SCRT2: variants seen among roughly 807,000 people sequenced by gnomAD.
The protein encoded by SCRT2 is transcriptional repressor scratch 2.
A neutral mutation model predicts 3.7 loss-of-function variants in SCRT2; 2 were observed. The ratio of observed to expected loss-of-function variants is 0.54; its 90% CI spans 0.22 to 1.70. SCRT2 has a LOEUF of 1.70. Among genes scored for constraint, SCRT2 ranks in the 40% most tolerant of loss-of-function variants. The pLI, the probability that SCRT2 is intolerant of heterozygous loss-of-function variation, is 0.19. For synonymous variants in SCRT2, 256 were observed against 220.6 expected, an observed-to-expected ratio of 1.16 and a Z score of -1.42; for missense variants, 456 against 468.5, an observed-to-expected ratio of 0.97 and a Z score of 0.25.
intron 1 of SCRT2, among the ~76,000 whole-genome samples, chr20:672,720 G>GCCCTCCCT (rs1250961774): frequency 6.1e-5 from 2 of 32,594 alleles, no homozygotes; most frequent in Non-Finnish European, 1.3e-4. Flanking sequence ...GGCCTCCCCC[G>GCCCTCCCT]CCCTCCCTCC....
At position 663,998 on chromosome 20, in the gene SCRT2, G is replaced by T; in HGVS notation, c.597C>A (p.Pro199=). ...GCGTGAGCAGGTGCATGGCGAGCGCGGGCATGGACACGTAGGCCTTGCCGC... is the reference window on the plus strand; with the variant it reads ...GCGTGAGCAGGTGCATGGCGAGCGCTGGCATGGACACGTAGGCCTTGCCGC... ...PTCGKAYVSM[P]ALAMHLLTHN... is the part of the protein sequence containing the mutation. Residue 199 remains proline, a synonymous_variant, in exon 2 of 2, where the codon CCC becomes CCA. Coordinates refer to ENST00000246104, the MANE Select transcript of SCRT2 (RefSeq NM_033129.4). The surrounding 1 kb of genome is among the most constrained non-coding windows in gnomAD (Gnocchi z 6.9). 1 of 1,611,610 alleles carries T rather than the reference G, an allele frequency of 6.2e-7. No individual in the cohort carries two copies. Among genetic ancestry groups the T allele is most frequent in the Non-Finnish European group, 8.5e-7 (1 of 1,179,624 alleles).
rs988186780 is a variant in SCRT2 at position 675,643 on chromosome 20, C to G, written c.-42G>C. The G allele has an allele frequency of 8.1e-7, 1 of 1,238,466 alleles. No homozygotes were observed. Among genetic ancestry groups the G allele is most frequent in the East Asian group, 3.2e-5 (1 of 31,000 alleles). 76.7% of individuals were successfully genotyped at this position (1,238,466 alleles called of 1,614,324 possible). On this transcript the variant is annotated 5_prime_UTR_variant, in exon 1 of 2. Coordinates refer to ENST00000246104, the MANE Select transcript of SCRT2 (RefSeq NM_033129.4). The surrounding 1 kb of genome is among the most constrained non-coding windows in gnomAD (Gnocchi z 6.9). The stretch of plus-strand genomic sequence containing the variant: ...GGCTCGGTGCGGGGAGGCGGCCGGC[C>G]GGGCGCGATCGGCTGTGTCCGCGCG...
rs2122364423 is a variant in SCRT2, at chr20:675,060, C to G, written c.133+409G>C. ...CTCTCCAGGGACTGAACATCCAGGG[C>G]TCTTTACCTTCCCCCTTCCCGGGCA... On this transcript the variant is annotated intron_variant, in intron 1 of 1. Coordinates refer to ENST00000246104, the MANE Select transcript of SCRT2 (RefSeq NM_033129.4). This position sits in a 1 kb window ranked among gnomAD's most constrained non-coding sequence, Gnocchi z 6.9. Among the ~76,000 whole-genome samples the G allele has an allele frequency of 6.6e-6, 1 of 152,274 alleles. No homozygotes were observed. Among genetic ancestry groups the G allele is most frequent in the South Asian group, 2.1e-4 (1 of 4,824 alleles).
At position 664,240 on chromosome 20, in the gene SCRT2, G is replaced by A; in HGVS notation, c.355C>T (p.Arg119Trp). Residue 119 changes from arginine (R) to tryptophan (W), a missense_variant, in exon 2 of 2, where the codon CGG (arginine) becomes TGG (tryptophan). By Grantham distance (101) the Arg-to-Trp change is moderately radical. Coordinates refer to ENST00000246104, the MANE Select transcript of SCRT2 (RefSeq NM_033129.4). The surrounding 1 kb of genome is among the most constrained non-coding windows in gnomAD (Gnocchi z 7.9). ...CCGCCGCCCCCGCCCCGCCGCCGCCGCGAGCGCCCGTCCGAGATGAAGAAG... is the reference window on the plus strand; with the variant it reads ...CCGCCGCCCCCGCCCCGCCGCCGCCACGAGCGCCCGTCCGAGATGAAGAAG... The part of the protein sequence containing the change: ...DAFFISDGRS[R>W]RRRGGGGGDA... 2 of 1,290,960 alleles carry A rather than the reference G, an allele frequency of 1.5e-6. No homozygotes were observed. Among genetic ancestry groups the A allele is most frequent in the Non-Finnish European group, 2.0e-6 (2 of 993,590 alleles). 80.0% of individuals were successfully genotyped at this position (1,290,960 alleles called of 1,614,324 possible).
At position 675,415 on chromosome 20, in the gene SCRT2, C is replaced by T; in HGVS notation, c.133+54G>A. ...CTCGTGGCCCAAGCTGGGGAGGGCC[C>T]CAGCTCCCCTCGCCTCTTCTCCCAA... On this transcript the variant is annotated intron_variant, in intron 1 of 1. Transcript: ENST00000246104. This position sits in a 1 kb window ranked among gnomAD's most constrained non-coding sequence, Gnocchi z 6.9. The T allele has an allele frequency of 7.9e-7, 1 of 1,260,614 alleles. No individual in the cohort carries two copies. Among genetic ancestry groups the T allele is most frequent in the Non-Finnish European group, 1.0e-6 (1 of 989,194 alleles). The allele number at this position is 1,260,614 out of a possible 1,614,324, so 78.1% of individuals were successfully genotyped here.
chr20:675,353 A>G lies in SCRT2; in HGVS notation c.133+116T>C. ...CCGGGAGGAGCCCACGGCCAGAGAG[A>G]TCTCCTCCCGGGGGTTTCCTGTCGC... On this transcript the variant is annotated intron_variant, in intron 1 of 1. Transcript: ENST00000246104. This position sits in a 1 kb window ranked among gnomAD's most constrained non-coding sequence, Gnocchi z 6.9. 1.1e-6 allele frequency: 1 copy of G among 880,710 alleles called. No homozygotes were observed. Among genetic ancestry groups the G allele is most frequent in the Non-Finnish European group, 1.5e-6 (1 of 662,756 alleles). The allele number at this position is 880,710 out of a possible 1,614,324, so 54.6% of individuals were successfully genotyped here.
chr20:671,264 G>A (rs1196688203), intron 1 of SCRT2, among the ~76,000 whole-genome samples: 1 of 152,314 alleles, frequency 6.6e-6, no homozygotes, highest in Non-Finnish European at 1.5e-5. Context: ...CTTGGACCTG[G>A]TCCTATACCT....
intron 1 of SCRT2, among the ~76,000 whole-genome samples, chr20:672,114 C>T (rs955395596): frequency 7.9e-5 from 12 of 152,078 alleles, no homozygotes; most frequent in Non-Finnish European, 1.5e-4. Context: ...AGTCTGTGCT[C>T]AGAATCACCC....
chr20:673,986 C>A lies in SCRT2; in HGVS notation c.133+1483G>T, dbSNP rs773131325. Among the ~76,000 whole-genome samples the A allele has an allele frequency of 1.5e-4, 23 of 152,194 alleles. 1 individual carries two copies. The highest frequency in any genetic ancestry group is 2.8e-4 in the Non-Finnish European group (19 of 68,034). ...CCTGCCAGCCCTCAGCCCTGCTCAG[C>A]CATGTCCCTGGGCTTCTGACCTCCA... On this transcript the variant is annotated intron_variant, in intron 1 of 1. Transcript: ENST00000246104.
chr20:663,491 T>G lies in SCRT2; in HGVS notation c.*180A>C. The G allele has an allele frequency of 2.1e-6, 1 of 472,170 alleles. No homozygotes were observed. Among genetic ancestry groups the G allele is most frequent in the Non-Finnish European group, 3.4e-6 (1 of 297,448 alleles). The allele number at this position is 472,170 out of a possible 1,614,324, so 29.2% of individuals were successfully genotyped here. On this transcript the variant is annotated 3_prime_UTR_variant, in exon 2 of 2. Coordinates refer to ENST00000246104, the MANE Select transcript of SCRT2 (RefSeq NM_033129.4). This position sits in a 1 kb window ranked among gnomAD's most constrained non-coding sequence, Gnocchi z 6.9. Reference sequence around the variant, plus strand: ...TCGGGGGACGCTGGGGAAGACGGTGTGGAAGTGAGTCGTGGGTTTGGGGGT... The same window carrying G: ...TCGGGGGACGCTGGGGAAGACGGTGGGGAAGTGAGTCGTGGGTTTGGGGGT...
rs1197509473 is a variant in SCRT2 at position 666,331 on chromosome 20, A to T, written c.134-1870T>A. 6.6e-6 allele frequency among the ~76,000 whole-genome samples: 1 copy of T among 152,102 alleles called. No individual in the cohort carries two copies. The highest frequency in any genetic ancestry group is 1.5e-5 in the Non-Finnish European group (1 of 68,000). ...AGGCCTGGTACTCAGGTCCCAGAAC[A>T]TTCAGGAGTGTTGTTTCAGACTGAG... On this transcript the variant is annotated intron_variant, in intron 1 of 1. Transcript: ENST00000246104. This position sits in a 1 kb window ranked among gnomAD's most constrained non-coding sequence, Gnocchi z 4.4.
intron 1 of SCRT2, among the ~76,000 whole-genome samples, chr20:670,253 C>A (rs1984288552): frequency 6.6e-6 from 1 of 152,170 alleles, no homozygotes; most frequent in Non-Finnish European, 1.5e-5. Flanking sequence ...TCCAGTGGGC[C>A]CTTTCTGGGC....
chr20:670,962 C>T (rs1984313729), intron 1 of SCRT2, among the ~76,000 whole-genome samples: 1 of 152,138 alleles, frequency 6.6e-6, no homozygotes, highest in Non-Finnish European at 1.5e-5. Context: ...TGAAAGAGAT[C>T]ATATTCAACC....
chr20:665,819 C>T lies in SCRT2; in HGVS notation c.134-1358G>A, dbSNP rs1984137214. Among the ~76,000 whole-genome samples the T allele has an allele frequency of 6.6e-6, 1 of 152,144 alleles. No homozygotes were observed. Among genetic ancestry groups the T allele is most frequent in the Non-Finnish European group, 1.5e-5 (1 of 68,034 alleles). On this transcript the variant is annotated intron_variant, in intron 1 of 1. Coordinates refer to ENST00000246104, the MANE Select transcript of SCRT2 (RefSeq NM_033129.4). The surrounding 1 kb of genome is among the most constrained non-coding windows in gnomAD (Gnocchi z 5.0). The stretch of plus-strand genomic sequence containing the variant: ...TGGGATTTGACCTTCTCCTGGTGAC[C>T]CCTGAGACCTGTAACCACTCCTCCT...
chr20:670,188 T>C (rs955728118), intron 1 of SCRT2, among the ~76,000 whole-genome samples: 9 of 152,152 alleles, frequency 5.9e-5, no homozygotes, highest in Non-Finnish European at 1.3e-4. Context: ...GCTCAGGGTC[T>C]TCATTTGCCC....
intron 1 of SCRT2, among the ~76,000 whole-genome samples, chr20:669,418 C>G (rs1487512115): frequency 6.6e-6 from 1 of 152,178 alleles, no homozygotes; most frequent in Non-Finnish European, 1.5e-5. Context: ...GCCTCCTTTT[C>G]TTTCCTTTTT....
Position 667,952 on chromosome 20 carries a change from A to G in SCRT2, c.134-3491T>C, listed in dbSNP as rs557985141. 6.6e-6 allele frequency among the ~76,000 whole-genome samples: 1 copy of G among 152,216 alleles called. No individual in the cohort carries two copies. The highest frequency in any genetic ancestry group is 2.1e-4 in the South Asian group (1 of 4,810). ...TCATGGCTGAATCAGTCCCTCCATGATGCTCTTTGTCCCCTCCACTCCCAG... is the reference window on the plus strand; with the variant it reads ...TCATGGCTGAATCAGTCCCTCCATGGTGCTCTTTGTCCCCTCCACTCCCAG... On this transcript the variant is annotated intron_variant, in intron 1 of 1. Transcript: ENST00000246104. The surrounding 1 kb of genome is among the most constrained non-coding windows in gnomAD (Gnocchi z 4.4).
At chr20:673,578 G>T (rs899277767) in intron 1 of SCRT2, among the ~76,000 whole-genome samples, 3 of 152,210 alleles carry the variant, frequency 2.0e-5, no homozygotes, top group African/African-American at 7.2e-5. Flanking sequence ...GACAGAGGTG[G>T]TTCTAGGGTG....
intron 1 of SCRT2, among the ~76,000 whole-genome samples, chr20:670,357 A>G (rs955760830): frequency 2.6e-5 from 4 of 151,994 alleles, no homozygotes; most frequent in Non-Finnish European, 4.4e-5. Context: ...AGAAGGGTGC[A>G]CTCAGAGGGC....
Sources: gnomAD v4.1 joint callset for allele counts (sites outside exome capture counted in the v4.1 genomes callset) on GRCh38, gnomAD v4.1.1 for gene constraint, Gnocchi (gnomAD v3.1) non-coding constraint, MANE v1.5 for transcripts, NCBI Gene and HGNC (gene_info 2026-07-23, HGNC 2026-07-21) for gene names.